The following DAB1 variants were observed in gnomAD, a reference collection of about 807,000 sequenced individuals.
The protein encoded by DAB1 is disabled homolog 1.
DAB1 carries 15 observed loss-of-function variants against 64.6 expected under a neutral mutation model. The observed-to-expected ratio is 0.23, with a 90% CI of 0.16 to 0.36. The LOEUF (loss-of-function observed/expected upper bound fraction) is 0.36. Among genes scored for constraint, DAB1 ranks in the 10% least tolerant of loss-of-function variants. The pLI is 1.00. For synonymous variants in DAB1, 235 were observed against 251.9 expected, an observed-to-expected ratio of 0.93 and a Z score of 0.64; for missense variants, 596 against 706.7, an observed-to-expected ratio of 0.84 and a Z score of 1.78.
At chr1:58,026,712 T>C (rs189229642) in intron 5 of DAB1, among the ~76,000 whole-genome samples, 3 of 152,338 alleles carry the variant, frequency 2.0e-5, no homozygotes, top group African/African-American at 7.2e-5. Context: ...GCCAGAGTTA[T>C]GCCTTTGTCT....
intron 4 of DAB1, among the ~76,000 whole-genome samples, chr1:57,078,554 G>T (rs12137287): frequency 0.2 from 30,036 of 152,146 alleles, 3,620 homozygotes; most frequent in Middle Eastern, 0.31. Context: ...AAAGTGTGAT[G>T]AAACAGGTAT....
intron 2 of DAB1, among the ~76,000 whole-genome samples, chr1:57,279,331 G>GA (rs1426451114): frequency 6.6e-6 from 1 of 152,174 alleles, no homozygotes; most frequent in African/African-American, 2.4e-5. Context: ...CTAATGCAAA[G>GA]AAAATGCTAT....
intron 7 of DAB1, among the ~76,000 whole-genome samples, chr1:57,521,056 C>T (rs924638319): frequency 2.4e-4 from 36 of 152,122 alleles, no homozygotes; most frequent in African/African-American, 8.7e-4. Flanking sequence ...GAGACCCAAG[C>T]ATCGAAGGGA....
intron 7 of DAB1, among the ~76,000 whole-genome samples, chr1:57,453,359 G>GA (rs1558395349): frequency 6.6e-6 from 1 of 152,116 alleles, no homozygotes; most frequent in Non-Finnish European, 1.5e-5. Flanking sequence ...TAAGACTCAA[G>GA]AAAATGCTTC....
chr1:58,147,703 C>T (rs1222727790), intron 5 of DAB1, among the ~76,000 whole-genome samples: 2 of 152,060 alleles, frequency 1.3e-5, no homozygotes, highest in African/African-American at 4.8e-5. Context: ...TCAGCAGTCC[C>T]TCTGCAGAGT....
At chr1:57,564,777 A>G (rs1645097182) in intron 7 of DAB1, among the ~76,000 whole-genome samples, 1 of 152,226 alleles carries the variant, frequency 6.6e-6, no homozygotes, top group African/African-American at 2.4e-5. Flanking sequence ...GACTATGTGT[A>G]AAGACCAAAT....
chr1:58,315,085 C>A (rs1240519939), intron 4 of DAB1, among the ~76,000 whole-genome samples: 1 of 152,120 alleles, frequency 6.6e-6, no homozygotes, highest in Non-Finnish European at 1.5e-5. Flanking sequence ...TTTATGGTTT[C>A]TAATAAGTTT....
At chr1:58,062,632 G>A (rs991451977) in intron 5 of DAB1, among the ~76,000 whole-genome samples, 1 of 152,196 alleles carries the variant, frequency 6.6e-6, no homozygotes, top group African/African-American at 2.4e-5. Context: ...TCTGTTCCTG[G>A]TGCAGAGTGA....
At chr1:58,025,036 TTATC>T (rs775412228) in intron 5 of DAB1, among the ~76,000 whole-genome samples, 1 of 151,866 alleles carries the variant, frequency 6.6e-6, no homozygotes, top group Non-Finnish European at 1.5e-5. Context: ...ATCTGGCCAT[TTATC>T]TATCTATTTG....
intron 4 of DAB1, among the ~76,000 whole-genome samples, chr1:58,285,853 G>A (rs766842244): frequency 8.5e-5 from 13 of 152,120 alleles, no homozygotes; most frequent in Non-Finnish European, 1.6e-4. Context: ...AGCCCACATA[G>A]CCAAGACAAT....
rs140749680 is a variant in DAB1 at position 58,090,947 on chromosome 1, G to A, written n.387+59564C>T. Among the ~76,000 whole-genome samples the A allele has an allele frequency of 4.9e-3, 742 of 152,254 alleles. 10 individuals are homozygous for A. Among genetic ancestry groups the A allele is most frequent in the Non-Finnish European group, 4.6e-3 (310 of 68,012 alleles). On this transcript the variant is annotated intron_variant and non_coding_transcript_variant, in intron 5 of 20. Transcript: ENST00000485760. ...CTTATATAGTTTAGCTGAATAAGTC[G>A]GTTCAGTGCTACACACATTTATTAA...
At chr1:58,400,155 T>C (rs989698891) in intron 3 of DAB1, among the ~76,000 whole-genome samples, 1 of 151,738 alleles carries the variant, frequency 6.6e-6, no homozygotes, top group Non-Finnish European at 1.5e-5. Context: ...GTCCCTAGTC[T>C]CTGCCTTTCT....
intron 7 of DAB1, among the ~76,000 whole-genome samples, chr1:57,471,542 T>C (rs980370871): frequency 2.6e-5 from 4 of 152,182 alleles, no homozygotes; most frequent in Admixed American, 1.3e-4. Context: ...TAGGAGGTAA[T>C]TGAATCATGG....
chr1:58,394,840 G>A (rs1415878773), intron 3 of DAB1, among the ~76,000 whole-genome samples: 1 of 152,028 alleles, frequency 6.6e-6, no homozygotes, highest in Non-Finnish European at 1.5e-5. Flanking sequence ...TCATACTACT[G>A]TACGTATTTG....
intron 3 of DAB1, among the ~76,000 whole-genome samples, chr1:58,439,496 G>T (rs1267252822): frequency 1.3e-5 from 2 of 152,186 alleles, no homozygotes; most frequent in Non-Finnish European, 2.9e-5. Context: ...AACAGAGATT[G>T]TCTTAGTCCA....
intron 7 of DAB1, among the ~76,000 whole-genome samples, chr1:57,524,903 A>T (rs766316013): frequency 7.4e-4 from 113 of 152,328 alleles, no homozygotes; most frequent in Non-Finnish European, 1.4e-3. Flanking sequence ...GAACCAACCA[A>T]CCAGACCAAA....
chr1:57,683,224 T>G (rs1049707436), intron 6 of DAB1, among the ~76,000 whole-genome samples: 1 of 152,152 alleles, frequency 6.6e-6, no homozygotes, highest in South Asian at 2.1e-4. Flanking sequence ...CATGCCTCCC[T>G]CTGCTGGGCC....
intron 2 of DAB1, among the ~76,000 whole-genome samples, chr1:57,263,115 A>T (rs1333877895): frequency 7.5e-6 from 1 of 133,700 alleles, no homozygotes. Context: ...GAATAAGAAG[A>T]TAAAATTTTT....
At chr1:58,161,370 G>C (rs1655527308) in intron 4 of DAB1, among the ~76,000 whole-genome samples, 1 of 152,144 alleles carries the variant, frequency 6.6e-6, no homozygotes, top group Non-Finnish European at 1.5e-5. Context: ...ACTTGGGAAT[G>C]CCTTAAGATG....
Sources: gnomAD v4.1 joint callset for allele counts (sites outside exome capture counted in the v4.1 genomes callset) on GRCh38, gnomAD v4.1.1 for gene constraint, MANE v1.5 for transcripts, NCBI Gene and HGNC (gene_info 2026-07-23, HGNC 2026-07-21) for gene names.